ASZ1: variants seen among roughly 807,000 people sequenced by gnomAD.
ASZ1 encodes the protein ankyrin repeat, SAM and basic leucine zipper domain containing 1, also known as ankyrin repeat, SAM and basic leucine zipper domain-containing protein 1.
ASZ1 carries 67 observed loss-of-function variants against 61.8 expected under a neutral mutation model. The ratio of observed to expected loss-of-function variants is 1.08; its 90% confidence interval spans 0.89 to 1.33. ASZ1 has a LOEUF of 1.33. ASZ1 is among the 40% of genes most tolerant of loss of function. The pLI is 0.00. For synonymous variants in ASZ1, 193 were observed against 192.7 expected (o/e 1.00, Z -0.01); for missense variants, 577 against 554.5 (o/e 1.04, Z -0.41).
chr7:117,383,244 A>G (rs1796289054), intron 6 of ASZ1, 134 bp from the exon 7 acceptor site: 3 of 1,032,694 alleles, frequency 2.9e-6, no homozygotes, highest in South Asian at 2.3e-5. Context: ...ATGTTTCACA[A>G]TTTACTACCC....
chr7:117,384,977 G>C (rs1796324414), intron 5 of ASZ1, 117 bp from the exon 6 acceptor site: 1 of 911,842 alleles, frequency 1.1e-6, no homozygotes, highest in African/African-American at 1.8e-5. Flanking sequence ...TTAATTAATG[G>C]AATGATGCAA....
At chr7:117,424,123 A>T (rs1469285619) in intron 2 of ASZ1, among the ~76,000 whole-genome samples, 1 of 152,204 alleles carries the variant, frequency 6.6e-6, no homozygotes, top group African/African-American at 2.4e-5. Context: ...ACTATAGAAA[A>T]GTAGTTATCT....
chr7:117,382,022 A>C (rs747645815), intron 8 of ASZ1, 47 bp downstream of exon 8: 2 of 1,209,682 alleles, frequency 1.7e-6, no homozygotes, highest in South Asian at 2.5e-5. Context: ...ATTAACCAAC[A>C]AATTAACATA....
At chr7:117,368,814 AG>A (rs1795994201) in intron 10 of ASZ1, 97 bp from the exon 11 acceptor site, 1 of 1,562,796 alleles carries the variant, frequency 6.4e-7, no homozygotes, top group Non-Finnish European at 8.6e-7. Context: ...TCATAAAATT[AG>A]ATTCTTCCAA....
intron 4 of ASZ1, among the ~76,000 whole-genome samples, chr7:117,404,307 A>AC (rs1796738191): frequency 6.9e-6 from 1 of 145,960 alleles, no homozygotes; most frequent in Admixed American, 6.8e-5. Context: ...TTACAGTCTA[A>AC]CCCAAACAGT....
intron 3 of ASZ1, among the ~76,000 whole-genome samples, 156 bp from the exon 4 acceptor site, chr7:117,420,430 G>A (rs775083241): frequency 6.6e-6 from 1 of 152,026 alleles, no homozygotes; most frequent in African/African-American, 2.4e-5. Context: ...TTCCTTCATC[G>A]AAAGATGAGA....
chr7:117,390,308 C>T (rs902275407), intron 4 of ASZ1, among the ~76,000 whole-genome samples: 1 of 151,942 alleles, frequency 6.6e-6, no homozygotes, highest in East Asian at 1.9e-4. Context: ...TAGCTGAGAC[C>T]ACAGGCATGT....
chr7:117,363,901 A>C (rs1034466623), intron 12 of ASZ1, among the ~76,000 whole-genome samples, 153 bp from the exon 13 acceptor site: 1 of 152,176 alleles, frequency 6.6e-6, no homozygotes, highest in Admixed American at 6.5e-5. Context: ...ATTTAAAGTA[A>C]ACATATATGT....
At chr7:117,390,333 C>A (rs1401565168) in intron 4 of ASZ1, among the ~76,000 whole-genome samples, 3 of 152,068 alleles carry the variant, frequency 2.0e-5, no homozygotes, top group Non-Finnish European at 4.4e-5. Flanking sequence ...CCACACCTGA[C>A]TAAATTTTTT....
At chr7:117,407,175 C>T (rs1319480446) in intron 4 of ASZ1, among the ~76,000 whole-genome samples, 1 of 151,950 alleles carries the variant, frequency 6.6e-6, no homozygotes, top group Non-Finnish European at 1.5e-5. Flanking sequence ...AATAAAAGCA[C>T]ACAGAAAGGC....
chr7:117,379,354 C>T (rs1202256263), intron 10 of ASZ1, among the ~76,000 whole-genome samples: 1 of 151,068 alleles, frequency 6.6e-6, no homozygotes, highest in African/African-American at 2.4e-5. Context: ...TGAAATATCC[C>T]AATAATCTAT....
intron 4 of ASZ1, among the ~76,000 whole-genome samples, chr7:117,411,025 A>G (rs1051147965): frequency 6.6e-6 from 1 of 151,744 alleles, no homozygotes; most frequent in African/African-American, 2.4e-5. Flanking sequence ...ATTTCCTACC[A>G]TGTACCAGAC....
chr7:117,408,615 G>A (rs893852322), intron 4 of ASZ1, among the ~76,000 whole-genome samples: 1 of 152,002 alleles, frequency 6.6e-6, no homozygotes, highest in African/African-American at 2.4e-5. Context: ...TATTAATAAC[G>A]AAAAGCAAAG....
intron 8 of ASZ1, among the ~76,000 whole-genome samples, chr7:117,381,784 C>T (rs1291925949): frequency 6.6e-6 from 1 of 152,124 alleles, no homozygotes; most frequent in African/African-American, 2.4e-5. Flanking sequence ...ATATTCTACT[C>T]AAGAAGATGA....
rs139943700 is a variant in ASZ1 at position 117,414,751 on chromosome 7, G to T, written c.440+5412C>A. On this transcript the variant is annotated intron_variant, in intron 4 of 12. Coordinates refer to ENST00000284629, the MANE Select transcript of ASZ1 (RefSeq NM_130768.3). ...ATGCAGTGTTTGGTTTTCTGTTCTT[G>T]TGTTAGTTTGCTGAGAATGATGGTT... Among the ~76,000 whole-genome samples the T allele has an allele frequency of 4.7e-3, 715 of 152,236 alleles. 9 individuals are homozygous for T. The highest frequency in any genetic ancestry group is 0.015 in the African/African-American group (610 of 41,530).
At chr7:117,413,198 T>C (rs144600513) in intron 4 of ASZ1, among the ~76,000 whole-genome samples, 9 of 152,020 alleles carry the variant, frequency 5.9e-5, no homozygotes, top group Middle Eastern at 6.8e-3. Context: ...ATCCTAAATA[T>C]AGACAAGATG....
chr7:117,366,660 AT>A (rs1219858304), intron 12 of ASZ1, among the ~76,000 whole-genome samples: 2 of 151,654 alleles, frequency 1.3e-5, no homozygotes, highest in Non-Finnish European at 2.9e-5. Flanking sequence ...TATATTATAT[AT>A]TTTTTCTATA....
At position 117,427,491 on chromosome 7, in the gene ASZ1, C is replaced by T. The variant is rs901132305; in HGVS notation, c.-31G>A. The T allele has an allele frequency of 1.2e-6, 2 of 1,610,100 alleles. No homozygotes were observed. The highest frequency in any genetic ancestry group is 2.2e-5 in the East Asian group (1 of 44,830). On this transcript the variant is annotated 5_prime_UTR_variant, in exon 1 of 13. Transcript: ENST00000284629. ...CCAAGGAAGCTCCCTGTCGGCACCGCGCGCCCTTCAGCTCTCCGGGCGCAT... is the reference window on the plus strand; with the variant it reads ...CCAAGGAAGCTCCCTGTCGGCACCGTGCGCCCTTCAGCTCTCCGGGCGCAT...
At chr7:117,426,799 C>T (rs1797225692) in intron 2 of ASZ1, 37 bp downstream of exon 2, 1 of 1,521,870 alleles carries the variant, frequency 6.6e-7, no homozygotes, top group South Asian at 1.2e-5. Flanking sequence ...GAACTTAAGA[C>T]AGCTGTGTTC....
Sources: gnomAD v4.1 joint callset for allele counts (sites outside exome capture counted in the v4.1 genomes callset) on GRCh38, gnomAD v4.1.1 for gene constraint, MANE v1.5 for transcripts, NCBI Gene and HGNC (gene_info 2026-07-23, HGNC 2026-07-21) for gene names.